Variants in MTFR1 observed in about 807,000 individuals in gnomAD.
MTFR1 encodes the protein mitochondrial fission regulator 1, also known as chondrocyte protein with a poly-proline region.
A neutral mutation model predicts 38.8 loss-of-function variants in MTFR1; 28 were observed. That is an observed-to-expected ratio of 0.72 (90% CI 0.53 to 0.99). MTFR1 has a LOEUF of 0.99. MTFR1 is among the 50% of genes least tolerant of loss of function. MTFR1 has a pLI of 0.00. For synonymous variants in MTFR1, 145 were observed against 137.0 expected, an observed-to-expected ratio of 1.06 and a Z score of -0.41; for missense variants, 358 against 395.5, an observed-to-expected ratio of 0.91 and a Z score of 0.81.
upstream of MTFR1, among the ~76,000 whole-genome samples, chr8:65,644,155 A>G (rs1808885939): frequency 6.6e-6 from 1 of 152,224 alleles, no homozygotes; most frequent in African/African-American, 2.4e-5. Context: ...AGAGTGTCCT[A>G]GAGTATTCAA....
chr8:65,771,128 A>G, exon 4 of MTFR1: 1 of 267,274 alleles, frequency 3.7e-6, no homozygotes, highest in Non-Finnish European at 7.5e-6. Flanking sequence ...TTCTTTTGTT[A>G]ATTTTGAGGC....
intron 3 of MTFR1, among the ~76,000 whole-genome samples, chr8:65,685,415 T>C (rs1805041987): frequency 6.6e-6 from 1 of 152,200 alleles, no homozygotes; most frequent in Admixed American, 6.5e-5. Flanking sequence ...GTTATAGTAG[T>C]TTGAATACCA....
Position 65,707,968 on chromosome 8 carries a change from G to C in MTFR1, c.890G>C (p.Gly297Ala). ...GATAGCCAAGATGAAGTTGAAAAAG[G>C]AATTCCAAAGTCTGAATCAGAGGCC... ...RSDSQDEVEK[G>A]IPKSESEATS... Residue 297 changes from glycine (G) to alanine (A), a missense_variant, in exon 7 of 8, where the codon GGA becomes GCA. Physicochemically the swap from Gly to Ala is moderately conservative, Grantham distance 60 (BLOSUM62 0). Coordinates refer to ENST00000262146, the MANE Select transcript of MTFR1 (RefSeq NM_014637.4). The C allele has an allele frequency of 6.2e-7, 1 of 1,613,694 alleles. No homozygotes were observed. Among genetic ancestry groups the C allele is most frequent in the Middle Eastern group, 1.6e-4 (1 of 6,062 alleles).
At chr8:65,727,502 T>C (rs1806661432) in intron 3 of MTFR1, 1 of 558,054 alleles carries the variant, frequency 1.8e-6, no homozygotes, top group African/African-American at 1.9e-5. Context: ...AAAGCCATGA[T>C]ACAACAGTGG....
intron 1 of MTFR1, among the ~76,000 whole-genome samples, 166 bp downstream of exon 1, chr8:65,644,950 C>G (rs1023381742): frequency 6.6e-6 from 1 of 152,226 alleles, no homozygotes; most frequent in Non-Finnish European, 1.5e-5. Context: ...TGAGTGTTTG[C>G]CCCGCGGCCG....
intron 3 of MTFR1, among the ~76,000 whole-genome samples, chr8:65,685,370 T>G (rs968048920): frequency 6.6e-6 from 1 of 152,178 alleles, no homozygotes; most frequent in Non-Finnish European, 1.5e-5. Flanking sequence ...ATACAGTCAA[T>G]TCAGAATAAC....
At chr8:65,684,396 T>C (rs1429691307) in intron 3 of MTFR1, among the ~76,000 whole-genome samples, 2 of 152,066 alleles carry the variant, frequency 1.3e-5, no homozygotes, top group Non-Finnish European at 2.9e-5. Context: ...AGTCTTTTTT[T>C]TTTTTTGAGA....
In MTFR1 at chr8:65,690,826, C is replaced by T. The variant is rs563019578; in HGVS notation, c.166-2818C>T. 5.9e-5 allele frequency among the ~76,000 whole-genome samples: 9 copies of T among 152,260 alleles called. No individual in the cohort carries two copies. The South Asian group carries it at 1.9e-3, about 32-fold the overall frequency. On this transcript the variant is annotated intron_variant, in intron 3 of 7. Transcript: ENST00000262146. Reference sequence around the variant, plus strand: ...TTTTAGTCTTAGGATTTGTCTAACACTTATACAAAACAGCCCATTAAATAC... The same window carrying T: ...TTTTAGTCTTAGGATTTGTCTAACATTTATACAAAACAGCCCATTAAATAC...
intron 3 of MTFR1, chr8:65,723,531 GTA>G: frequency 6.5e-7 from 1 of 1,546,148 alleles, no homozygotes; most frequent in East Asian, 2.4e-5. Flanking sequence ...ATCTAAATAT[GTA>G]TAGTTACCAA....
chr8:65,730,126 A>G (rs1377217505), intron 3 of MTFR1, among the ~76,000 whole-genome samples: 1 of 142,802 alleles, frequency 7.0e-6, no homozygotes, highest in African/African-American at 2.6e-5. Context: ...AGGAGCACAA[A>G]CCCTATTGTA....
chr8:65,679,617 TC>T (rs1804817414), intron 2 of MTFR1: 1 of 152,208 alleles, frequency 6.6e-6, no homozygotes, highest in South Asian at 2.1e-4. Flanking sequence ...AGAGTGAAAC[TC>T]CATCTCAAAA....
chr8:65,723,592 C>A, intron 3 of MTFR1: 1 of 1,579,138 alleles, frequency 6.3e-7, no homozygotes, highest in South Asian at 1.2e-5. Flanking sequence ...AGTGGACTCA[C>A]ACCCAAATGA....
At chr8:65,758,920 GA>G (rs1457895446) in intron 3 of MTFR1, among the ~76,000 whole-genome samples, 1 of 152,160 alleles carries the variant, frequency 6.6e-6, no homozygotes, top group Middle Eastern at 3.2e-3. Context: ...TCCTACCATG[GA>G]ATCTGTCCCA....
chr8:65,691,355 A>G (rs564643285), intron 3 of MTFR1, among the ~76,000 whole-genome samples: 4 of 152,046 alleles, frequency 2.6e-5, no homozygotes, highest in Non-Finnish European at 5.9e-5. Context: ...TGGTGCGATC[A>G]TGCCTCACTG....
chr8:65,664,545 CTT>C (rs1041619169), intron 1 of MTFR1, among the ~76,000 whole-genome samples: 22 of 150,258 alleles, frequency 1.5e-4, no homozygotes, highest in African/African-American at 5.4e-4. Context: ...TTGCTGGACA[CTT>C]ATGTGTATAT....
At chr8:65,653,405 G>A (rs1384301583) in intron 1 of MTFR1, among the ~76,000 whole-genome samples, 2 of 152,052 alleles carry the variant, frequency 1.3e-5, no homozygotes, top group African/African-American at 4.8e-5. Context: ...CCAGCTTCTC[G>A]GGAGGCTGAG....
downstream of MTFR1, among the ~76,000 whole-genome samples, chr8:65,772,053 C>G (rs780557052): frequency 1.1e-4 from 16 of 151,854 alleles, no homozygotes; most frequent in Admixed American, 2.0e-4. Flanking sequence ...ATAGAATAGG[C>G]TATGTAAGCA....
chr8:65,752,635 C>A (rs182860906), intron 3 of MTFR1, among the ~76,000 whole-genome samples: 4 of 152,236 alleles, frequency 2.6e-5, no homozygotes, highest in Admixed American at 2.6e-4. Flanking sequence ...CATTGTTAAC[C>A]ATTCTGGGTC....
downstream of MTFR1, among the ~76,000 whole-genome samples, chr8:65,775,889 A>G (rs1205226225): frequency 6.6e-6 from 1 of 152,140 alleles, no homozygotes; most frequent in African/African-American, 2.4e-5. Context: ...TCGGCTTTCC[A>G]AAGTGCTAGA....
Sources: gnomAD v4.1 joint callset for allele counts (sites outside exome capture counted in the v4.1 genomes callset) on GRCh38, gnomAD v4.1.1 for gene constraint, MANE v1.5 for transcripts, NCBI Gene and HGNC (gene_info 2026-07-23, HGNC 2026-07-21) for gene names.